Variants in DPP6 observed in about 807,000 individuals in gnomAD.
DPP6 encodes the protein A-type potassium channel modulatory protein DPP6.
A neutral mutation model predicts 122.6 loss-of-function variants in DPP6; 69 were observed. The ratio of observed to expected loss-of-function variants is 0.56; its 90% CI spans 0.46 to 0.69. The LOEUF is 0.69. Among genes scored for constraint, DPP6 ranks in the 30% least tolerant of loss-of-function variants. The probability of loss-of-function intolerance (pLI) is 0.00; values close to 1 mark genes in which losing one functional copy is unlikely to be tolerated. For missense variants in DPP6, 928 were observed against 1,116.9 expected, an observed-to-expected ratio of 0.83 and a Z score of 2.41; for synonymous variants, 418 against 433.1, an observed-to-expected ratio of 0.97 and a Z score of 0.43.
At chr7:154,727,079 G>T (rs911241316) in intron 7 of DPP6, among the ~76,000 whole-genome samples, 10 of 152,248 alleles carry the variant, frequency 6.6e-5, no homozygotes, top group African/African-American at 2.4e-4. Context: ...AGGTATCTTT[G>T]TAAGAATGGC....
chr7:154,140,014 G>A (rs967149716), intron 1 of DPP6, among the ~76,000 whole-genome samples: 3 of 152,164 alleles, frequency 2.0e-5, no homozygotes, highest in East Asian at 1.9e-4. Flanking sequence ...GGAGTAGCCC[G>A]TGGGAAGATA....
intron 1 of DPP6, among the ~76,000 whole-genome samples, chr7:154,406,534 C>A (rs1816130654): frequency 6.6e-6 from 1 of 152,076 alleles, no homozygotes; most frequent in African/African-American, 2.4e-5. Flanking sequence ...AATGCACACA[C>A]ACACGCACCT....
chr7:154,637,226 T>A (rs1348127849), intron 5 of DPP6, among the ~76,000 whole-genome samples: 2 of 152,210 alleles, frequency 1.3e-5, no homozygotes, highest in African/African-American at 4.8e-5. Context: ...TTTCTGGTTT[T>A]CTGTTACCTC....
chr7:154,252,425 C>A (rs62485762), intron 1 of DPP6, among the ~76,000 whole-genome samples: 1 of 152,124 alleles, frequency 6.6e-6, no homozygotes, highest in African/African-American at 2.4e-5. Context: ...GGCTATGATA[C>A]GAACACAAAG....
At chr7:154,871,657 G>A (rs143200079) in intron 18 of DPP6, among the ~76,000 whole-genome samples, 4 of 152,202 alleles carry the variant, frequency 2.6e-5, no homozygotes, top group South Asian at 2.1e-4. Flanking sequence ...CTGCCTCTCC[G>A]CCAGTCCCTG....
the DPP6 span, among the ~76,000 whole-genome samples, chr7:153,864,786 T>C: frequency 1.3e-5 from 2 of 151,936 alleles, no homozygotes; most frequent in African/African-American, 2.4e-5. Context: ...CAGCCACAGA[T>C]ACATGATGAA....
chr7:153,974,040 C>T (rs1473787483), intron 1 of DPP6, among the ~76,000 whole-genome samples: 4 of 151,976 alleles, frequency 2.6e-5, no homozygotes, highest in African/African-American at 9.7e-5. Context: ...GGGGGACTTA[C>T]CTATGCAGGT....
At chr7:154,136,063 G>T (rs1260626296) in intron 1 of DPP6, among the ~76,000 whole-genome samples, 1 of 152,204 alleles carries the variant, frequency 6.6e-6, no homozygotes, top group African/African-American at 2.4e-5. Flanking sequence ...TACCACCCCA[G>T]AACTCTGGAA....
intron 1 of DPP6, among the ~76,000 whole-genome samples, chr7:153,964,916 T>TTCTC (rs1407194584): frequency 1.1e-5 from 1 of 90,802 alleles, no homozygotes; most frequent in Non-Finnish European, 2.0e-5. Context: ...TTCTTTTCCT[T>TTCTC]TCTTTCTTTC....
chr7:154,126,909 G>A (rs1025928415), intron 1 of DPP6, among the ~76,000 whole-genome samples: 4 of 152,108 alleles, frequency 2.6e-5, no homozygotes, highest in East Asian at 1.9e-4. Flanking sequence ...TAGTTATACC[G>A]ATTTTCTTCA....
rs1012969814 is a variant in DPP6, at chr7:154,760,511, C to G, written c.884-8906C>G. ...GTTTCTATTCTTGTCTGCCATTCTG[C>G]GAGCTCAAGAACTTCTGTTAGCCAT... On this transcript the variant is annotated intron_variant, in intron 8 of 25. Transcript: ENST00000377770. The surrounding 1 kb of genome is among the most constrained non-coding windows in gnomAD (Gnocchi z 4.5). Among the ~76,000 whole-genome samples, 1 of 152,146 alleles carries G rather than the reference C, an allele frequency of 6.6e-6. No individual in the cohort carries two copies. The highest frequency in any genetic ancestry group is 6.5e-5 in the Admixed American group (1 of 15,276).
chr7:154,358,687 T>A (rs1344144563), intron 1 of DPP6, among the ~76,000 whole-genome samples: 1 of 152,146 alleles, frequency 6.6e-6, no homozygotes, highest in Admixed American at 6.5e-5. Flanking sequence ...TAATATTGAT[T>A]TTACAGTTCA....
chr7:153,875,552 C>A, the DPP6 span, among the ~76,000 whole-genome samples: 1 of 151,898 alleles, frequency 6.6e-6, no homozygotes, highest in Non-Finnish European at 1.5e-5. Flanking sequence ...TATTTGATTA[C>A]TCAAAGTTCC....
At chr7:154,516,861 C>T (rs1826556417) in intron 3 of DPP6, among the ~76,000 whole-genome samples, 1 of 152,190 alleles carries the variant, frequency 6.6e-6, no homozygotes, top group African/African-American at 2.4e-5. Flanking sequence ...TATTCTAGCA[C>T]TTGTGTGTGT....
intron 16 of DPP6, among the ~76,000 whole-genome samples, chr7:154,811,139 T>TA (rs1799035863): frequency 6.6e-6 from 1 of 152,252 alleles, no homozygotes; most frequent in Non-Finnish European, 1.5e-5. Context: ...ATTTTCTGGC[T>TA]AAAGTAACTT....
intron 5 of DPP6, among the ~76,000 whole-genome samples, chr7:154,620,696 T>C (rs1834586883): frequency 6.6e-6 from 1 of 152,254 alleles, no homozygotes; most frequent in Non-Finnish European, 1.5e-5. Flanking sequence ...TTACGAGCTG[T>C]AACGACGTCC....
intron 1 of DPP6, among the ~76,000 whole-genome samples, chr7:154,238,926 T>C (rs878946888): frequency 6.6e-6 from 1 of 152,222 alleles, no homozygotes; most frequent in Admixed American, 6.5e-5. Flanking sequence ...CTCAAATACA[T>C]GTATCTCTTT....
intron 5 of DPP6, among the ~76,000 whole-genome samples, chr7:154,569,993 G>A (rs568424457): frequency 3.9e-5 from 6 of 151,924 alleles, no homozygotes; most frequent in African/African-American, 1.5e-4. Context: ...ATGAATGTCA[G>A]CTCTCCTACA....
chr7:154,193,075 T>C (rs983441241), intron 1 of DPP6, among the ~76,000 whole-genome samples: 2 of 152,266 alleles, frequency 1.3e-5, no homozygotes, highest in Non-Finnish European at 1.5e-5. Flanking sequence ...TTTCACTTGC[T>C]ATTGCCATGG....
Sources: gnomAD v4.1 joint callset for allele counts (sites outside exome capture counted in the v4.1 genomes callset) on GRCh38, gnomAD v4.1.1 for gene constraint, Gnocchi (gnomAD v3.1) non-coding constraint, MANE v1.5 for transcripts, NCBI Gene and HGNC (gene_info 2026-07-23, HGNC 2026-07-21) for gene names.